The following CDH17 variants were observed in gnomAD, a reference collection of about 807,000 sequenced individuals.
CDH17 encodes cadherin-17.
In CDH17, 67 loss-of-function variants were observed where a neutral mutation model predicts 86.3. The ratio of observed to expected loss-of-function variants is 0.78; its 90% CI spans 0.64 to 0.95. The LOEUF (loss-of-function observed/expected upper bound fraction) is 0.95, where lower values mean the gene tolerates loss of function less well. Ranked by LOEUF, CDH17 falls within the 40% of genes least tolerant of loss-of-function variation. The pLI is 0.00. For missense variants in CDH17, 993 were observed against 1,017.6 expected, an observed-to-expected ratio of 0.98 and a Z score of 0.33; for synonymous variants, 367 against 366.4, an observed-to-expected ratio of 1.00 and a Z score of -0.02.
chr8:94,129,657 T>G (rs993480652), intron 17 of CDH17, among the ~76,000 whole-genome samples: 4 of 152,152 alleles, frequency 2.6e-5, no homozygotes, highest in African/African-American at 7.2e-5. Flanking sequence ...TAACTTGTGG[T>G]GGGGACAACA....
chr8:94,137,576 A>G (rs2446810), intron 15 of CDH17, among the ~76,000 whole-genome samples: 108,369 of 151,906 alleles, frequency 0.71, 38,816 homozygotes, highest in African/African-American at 0.73. Context: ...AAGGGAAATC[A>G]CCTCACCCTT....
In CDH17 at chr8:94,195,544, A is replaced by G. The variant is rs542836658; in HGVS notation, c.-20-839T>C. On this transcript the variant is annotated intron_variant, in intron 1 of 17. Transcript: ENST00000027335. The stretch of plus-strand genomic sequence containing the variant: ...CTTACTATTCCAAAAGAGATCAAAC[A>G]AAAATCTGAACTCTGTCCTTATTGT... Among the ~76,000 whole-genome samples the G allele has an allele frequency of 1.4e-4, 22 of 152,296 alleles. No individual in the cohort carries two copies. The South Asian group carries it at 4.6e-3, about 32-fold the overall frequency.
At chr8:94,183,921 CAAG>C (rs1813529369) in intron 3 of CDH17, among the ~76,000 whole-genome samples, 1 of 151,526 alleles carries the variant, frequency 6.6e-6, no homozygotes, top group Admixed American at 6.6e-5. Flanking sequence ...ACATCTCTCC[CAAG>C]AAGATATATA....
chr8:94,205,663 G>A (rs1424248592), intron 1 of CDH17, among the ~76,000 whole-genome samples: 1 of 151,872 alleles, frequency 6.6e-6, no homozygotes, highest in Non-Finnish European at 1.5e-5. Flanking sequence ...AATAAAAGGT[G>A]CCAGACCACG....
At chr8:94,182,357 G>A (rs2130653262) in intron 3 of CDH17, among the ~76,000 whole-genome samples, 1 of 152,064 alleles carries the variant, frequency 6.6e-6, no homozygotes. Flanking sequence ...TTGAATATAG[G>A]CACAAAATTT....
chr8:94,188,469 G>A lies in CDH17; in HGVS notation c.150+718C>T, dbSNP rs183990380. On this transcript the variant is annotated intron_variant, in intron 3 of 17. Transcript: ENST00000027335. ...GGTTCAGGGGACGGGGAGGGGTCAC[G>A]GGCACCCCCAAGAAGGCTCATCAGC... 4.9e-4 allele frequency among the ~76,000 whole-genome samples: 75 copies of A among 152,182 alleles called. No homozygotes were observed. The Middle Eastern group carries it at 0.014, about 28-fold the overall frequency.
At position 94,152,056 on chromosome 8, in the gene CDH17, A is replaced by C. The variant is rs1310949758; in HGVS notation, c.1608T>G (p.Pro536=). Residue 536 remains proline (P), a synonymous_variant, in exon 13 of 18, where the codon CCT becomes CCG. Coordinates refer to ENST00000027335, the MANE Select transcript of CDH17 (RefSeq NM_004063.4). ...VSNIVFKAEN[P]EPLVFGVKYN... ...ACTTCACACCAAACACTAGAGGCTC[A>C]GGATTTTCTGCTTTGAACACAATGT... is the stretch of plus-strand genomic sequence containing the variant. The C allele has an allele frequency of 6.2e-7, 1 of 1,614,208 alleles. No homozygotes were observed. The highest frequency in any genetic ancestry group is 1.7e-5 in the Admixed American group (1 of 60,034).
chr8:94,175,417 G>A lies in CDH17; in HGVS notation c.424+1124C>T, dbSNP rs554516311. On this transcript the variant is annotated intron_variant, in intron 5 of 17. Transcript: ENST00000027335. ...AAGTGAATTTTTTCCTGGAATTCTC[G>A]GAGGCAGGCATTGAAGAAAGAGAAG... Among the ~76,000 whole-genome samples the A allele has an allele frequency of 1.3e-4, 20 of 152,180 alleles. 1 individual carries two copies. Among genetic ancestry groups the A allele is most frequent in the African/African-American group, 3.9e-4 (16 of 41,522 alleles).
intron 3 of CDH17, among the ~76,000 whole-genome samples, chr8:94,185,315 C>CACA (rs1563583953): frequency 7.0e-6 from 1 of 143,476 alleles, no homozygotes; most frequent in African/African-American, 2.7e-5. Context: ...ACACACACAC[C>CACA]CCTGTAAAGA....
upstream of CDH17, among the ~76,000 whole-genome samples, chr8:94,212,364 A>G (rs904854360): frequency 1.1e-4 from 17 of 151,822 alleles, no homozygotes; most frequent in African/African-American, 3.9e-4. Context: ...CTGGACTCCA[A>G]CTCCTGGGGT....
intron 14 of CDH17, 33 bp from the exon 15 acceptor site, chr8:94,146,200 G>A: frequency 7.1e-7 from 1 of 1,416,926 alleles, no homozygotes; most frequent in South Asian, 1.9e-5. Flanking sequence ...CATGGGATCA[G>A]TTCACTCATT....
At position 94,203,643 on chromosome 8, in the gene CDH17, G is replaced by A. The variant is rs369293534; in HGVS notation, c.-21+4840C>T. The stretch of plus-strand genomic sequence containing the variant: ...TGCATCACTCAAGGTTTAGAGAACC[G>A]CAGAAGCATCTGACCAATTTGCACT... On this transcript the variant is annotated intron_variant, in intron 1 of 17. Coordinates refer to ENST00000027335, the MANE Select transcript of CDH17 (RefSeq NM_004063.4). 4.6e-5 allele frequency among the ~76,000 whole-genome samples: 7 copies of A among 152,290 alleles called. No homozygotes were observed. In the East Asian group the frequency reaches 7.7e-4, roughly 17 times the overall value.
chr8:94,185,358 T>C (rs188082857), intron 3 of CDH17, among the ~76,000 whole-genome samples: 16 of 151,906 alleles, frequency 1.1e-4, no homozygotes, highest in African/African-American at 3.9e-4. Flanking sequence ...CAGGCTATCA[T>C]TTCCTGCTAA....
intron 3 of CDH17, among the ~76,000 whole-genome samples, chr8:94,180,185 T>C (rs1443177193): frequency 1.3e-5 from 2 of 151,898 alleles, no homozygotes; most frequent in African/African-American, 4.8e-5. Flanking sequence ...AAAAGCAGAT[T>C]TGAGCTAGCA....
chr8:94,183,431 G>A (rs1422722443), intron 3 of CDH17, among the ~76,000 whole-genome samples: 2 of 152,076 alleles, frequency 1.3e-5, no homozygotes, highest in Non-Finnish European at 2.9e-5. Flanking sequence ...CAATTCAATT[G>A]ATTTCTGATG....
At chr8:94,144,290 G>C (rs561556589) in intron 15 of CDH17, among the ~76,000 whole-genome samples, 2 of 152,216 alleles carry the variant, frequency 1.3e-5, no homozygotes, top group East Asian at 3.9e-4. Context: ...ATGGCTCCGG[G>C]TGTCCCAAAA....
At chr8:94,209,749 T>A (rs919940300), upstream of CDH17, among the ~76,000 whole-genome samples, 1 of 152,116 alleles carries the variant, frequency 6.6e-6, no homozygotes, top group African/African-American at 2.4e-5. Flanking sequence ...ACCTCTGCCC[T>A]CCCATTAGCT....
chr8:94,171,606 G>C (rs1813270197), intron 7 of CDH17, among the ~76,000 whole-genome samples: 1 of 152,106 alleles, frequency 6.6e-6, no homozygotes, highest in Non-Finnish European at 1.5e-5. Context: ...ACAGAGCCTG[G>C]TCTGATATAT....
At chr8:94,158,371 T>C (rs559858489) in intron 12 of CDH17, among the ~76,000 whole-genome samples, 44 of 152,178 alleles carry the variant, frequency 2.9e-4, no homozygotes, top group African/African-American at 9.6e-4. Context: ...CAGCTAATCA[T>C]TGAGATAGGT....
Sources: gnomAD v4.1 joint callset for allele counts (sites outside exome capture counted in the v4.1 genomes callset) on GRCh38, gnomAD v4.1.1 for gene constraint, MANE v1.5 for transcripts, NCBI Gene and HGNC (gene_info 2026-07-23, HGNC 2026-07-21) for gene names.